LUZP2: variants seen among roughly 807,000 people sequenced by gnomAD.
LUZP2 encodes leucine zipper protein 2.
Under a neutral mutation model 51.6 loss-of-function variants are expected in LUZP2, and 52 were observed. The observed-to-expected ratio is 1.01, with a 90% CI of 0.81 to 1.27. The LOEUF is 1.27. Among genes scored for constraint, LUZP2 ranks in the 50% most tolerant of loss-of-function variants. LUZP2 has a pLI of 0.00. For missense variants in LUZP2, 436 were observed against 395.4 expected (o/e 1.10, Z -0.87); for synonymous variants, 154 against 137.3 (o/e 1.12, Z -0.85).
intron 10 of LUZP2, among the ~76,000 whole-genome samples, chr11:25,050,784 A>G (rs1378434404): frequency 1.3e-5 from 2 of 152,206 alleles, no homozygotes; most frequent in Admixed American, 1.3e-4. Context: ...AAAAGCCAAC[A>G]AAAAACCTTA....
At position 24,604,774 on chromosome 11, in the gene LUZP2, C is replaced by T. The variant is rs187598672; in HGVS notation, c.62+107469C>T. Among the ~76,000 whole-genome samples the T allele has an allele frequency of 3.0e-3, 462 of 151,908 alleles. 12 individuals carry two copies. The highest frequency in any genetic ancestry group is 0.027 in the Admixed American group (410 of 15,208). ...TCAGATTATCAGTCATGAGAATCTT[C>T]ACTTGTTTGACTTTTTTCTTCAAGA... is the stretch of plus-strand genomic sequence containing the variant. On this transcript the variant is annotated intron_variant, in intron 1 of 11. Transcript: ENST00000336930.
Position 24,738,280 on chromosome 11 carries a change from A to C in LUZP2, c.311A>C (p.Lys104Thr). 6.2e-7 allele frequency: 1 copy of C among 1,612,472 alleles called. No individual in the cohort carries two copies. The highest frequency in any genetic ancestry group is 8.5e-7 in the Non-Finnish European group (1 of 1,178,970). ...LQNQLKETSE[K>T]AEKHQATINF... ...AATCAGCTTAAGGAGACATCAGAGA[A>C]AGCAGAAAAACACCAGGCTACTGTA... Residue 104 changes from lysine (K) to threonine (T), a missense_variant, in exon 4 of 12, where the codon AAA (lysine) becomes ACA (threonine). Physicochemically the swap from Lys to Thr is moderately conservative, Grantham distance 78. Coordinates refer to ENST00000336930, the MANE Select transcript of LUZP2 (RefSeq NM_001009909.4).
intron 1 of LUZP2, among the ~76,000 whole-genome samples, chr11:24,554,227 C>T (rs1030559486): frequency 3.3e-5 from 5 of 152,120 alleles, no homozygotes; most frequent in African/African-American, 1.2e-4. Context: ...GAGCTGCTTT[C>T]TTCCCTCATT....
At chr11:24,640,265 G>A (rs1028716771) in intron 1 of LUZP2, among the ~76,000 whole-genome samples, 5 of 151,890 alleles carry the variant, frequency 3.3e-5, no homozygotes, top group East Asian at 3.9e-4. Context: ...CAAGCTGGGC[G>A]GAAAGTTAAG....
chr11:24,941,050 G>A (rs773538459), intron 7 of LUZP2, among the ~76,000 whole-genome samples: 2 of 152,122 alleles, frequency 1.3e-5, no homozygotes, highest in Non-Finnish European at 2.9e-5. Flanking sequence ...ATAGGATTGA[G>A]ATTTACTGTT....
intron 5 of LUZP2, among the ~76,000 whole-genome samples, chr11:24,805,691 G>A (rs1486691): frequency 1 from 152,206 of 152,266 alleles, 76,073 homozygotes; most frequent in Non-Finnish European, 1. Context: ...GGCCATTGAG[G>A]TTTTCTAGCC....
intron 1 of LUZP2, among the ~76,000 whole-genome samples, chr11:24,517,086 C>CATATCA (rs1850489080): frequency 2.6e-5 from 4 of 151,882 alleles, no homozygotes; most frequent in Non-Finnish European, 5.9e-5. Flanking sequence ...TTTTTGTGTT[C>CATATCA]TAAGTTGAAA....
At chr11:24,902,724 TATTA>T (rs1460356094) in intron 5 of LUZP2, among the ~76,000 whole-genome samples, 3 of 152,216 alleles carry the variant, frequency 2.0e-5, no homozygotes, top group Non-Finnish European at 4.4e-5. Context: ...TTGTTGTGTA[TATTA>T]ATTATCATCT....
intron 9 of LUZP2, among the ~76,000 whole-genome samples, chr11:24,989,208 T>G (rs1235540708): frequency 6.6e-6 from 1 of 152,004 alleles, no homozygotes; most frequent in African/African-American, 2.4e-5. Flanking sequence ...GGGAATGGGC[T>G]ACCTTACTAG....
intron 1 of LUZP2, among the ~76,000 whole-genome samples, chr11:24,689,608 CTGAG>C (rs1857005635): frequency 6.6e-6 from 1 of 152,130 alleles, no homozygotes; most frequent in Non-Finnish European, 1.5e-5. Context: ...CCTGACATTC[CTGAG>C]ACTGGGTGGG....
chr11:24,752,509 C>T (rs886102392), intron 4 of LUZP2, among the ~76,000 whole-genome samples: 3 of 152,122 alleles, frequency 2.0e-5, no homozygotes, highest in Non-Finnish European at 4.4e-5. Context: ...TAATAGTGAA[C>T]AAATACCTTG....
rs932411199 is a variant in LUZP2, at chr11:24,939,704, T to C, written c.522+25166T>C. On this transcript the variant is annotated intron_variant, in intron 7 of 11. Transcript: ENST00000336930. The stretch of plus-strand genomic sequence containing the variant: ...AACTTGCTGAAATATGTGGTATATA[T>C]GGAGACAGGCAAGATAAGAGATTGG... Among the ~76,000 whole-genome samples, 242 of 152,242 alleles carry C rather than the reference T, an allele frequency of 1.6e-3. 2 individuals are homozygous for C. The highest frequency in any genetic ancestry group is 5.6e-3 in the African/African-American group (232 of 41,540).
At chr11:24,802,401 T>A (rs188842089) in intron 5 of LUZP2, among the ~76,000 whole-genome samples, 3 of 152,186 alleles carry the variant, frequency 2.0e-5, no homozygotes, top group Admixed American at 2.0e-4. Flanking sequence ...TTTTGGTGAC[T>A]GTATAGACAC....
chr11:24,619,406 T>C (rs559888668), intron 1 of LUZP2, among the ~76,000 whole-genome samples: 1 of 152,226 alleles, frequency 6.6e-6, no homozygotes, highest in Non-Finnish European at 1.5e-5. Context: ...TCCCAAATCC[T>C]TTAGAAAGGA....
intron 5 of LUZP2, among the ~76,000 whole-genome samples, chr11:24,852,831 C>T (rs1303574125): frequency 6.6e-6 from 1 of 152,066 alleles, no homozygotes; most frequent in African/African-American, 2.4e-5. Flanking sequence ...ATGTAATGCC[C>T]TTCTTTGTCT....
At chr11:24,694,994 G>A (rs1183187509) in intron 1 of LUZP2, among the ~76,000 whole-genome samples, 1 of 151,890 alleles carries the variant, frequency 6.6e-6, no homozygotes, top group Admixed American at 6.6e-5. Context: ...TTGAAACATA[G>A]ATGACAGGGT....
intron 9 of LUZP2, among the ~76,000 whole-genome samples, chr11:25,030,751 CTTAT>C (rs894165352): frequency 6.7e-6 from 1 of 149,218 alleles, no homozygotes; most frequent in Non-Finnish European, 1.5e-5. Context: ...TTACCATTTT[CTTAT>C]TTAAATTTTT....
intron 4 of LUZP2, among the ~76,000 whole-genome samples, chr11:24,739,283 T>C (rs1328502130): frequency 6.6e-6 from 1 of 152,052 alleles, no homozygotes; most frequent in African/African-American, 2.4e-5. Flanking sequence ...GATTTTTGGT[T>C]GGCTTTGGGG....
At chr11:25,000,341 G>T (rs1241894077) in intron 9 of LUZP2, among the ~76,000 whole-genome samples, 4 of 152,104 alleles carry the variant, frequency 2.6e-5, no homozygotes, top group Admixed American at 6.6e-5. Context: ...GCTGATGACT[G>T]CTCTAGCTAC....
Sources: gnomAD v4.1 joint callset for allele counts (sites outside exome capture counted in the v4.1 genomes callset) on GRCh38, gnomAD v4.1.1 for gene constraint, MANE v1.5 for transcripts, NCBI Gene and HGNC (gene_info 2026-07-23, HGNC 2026-07-21) for gene names.